NID1: variants seen among roughly 807,000 people sequenced by gnomAD.
NID1 encodes nidogen 1.
Under a neutral mutation model 130.6 loss-of-function variants are expected in NID1, and 76 were observed. That is an observed-to-expected ratio of 0.58 (90% CI 0.48 to 0.70). The LOEUF (loss-of-function observed/expected upper bound fraction) is 0.70. NID1 is among the 30% of genes least tolerant of loss of function. The pLI is 0.00. For missense variants in NID1, 1,517 were observed against 1,664.8 expected (o/e 0.91, Z 1.54); for synonymous variants, 665 against 675.1 (o/e 0.98, Z 0.23).
At chr1:236,033,744 G>T (rs1442261307) in intron 5 of NID1, among the ~76,000 whole-genome samples, 1 of 152,184 alleles carries the variant, frequency 6.6e-6, no homozygotes, top group Non-Finnish European at 1.5e-5. Flanking sequence ...ATACCTGGGG[G>T]AAAACTGCTA....
At position 236,030,543 on chromosome 1, in the gene NID1, A is replaced by G. The variant is rs56820357; in HGVS notation, c.1538-793T>C. ...TTTAAATTTCAGTGCCCAGTCAAAA[A>G]GTTGTATTGGAACACAGCCATGCTC... On this transcript the variant is annotated intron_variant, in intron 6 of 19. Coordinates refer to ENST00000264187, the MANE Select transcript of NID1 (RefSeq NM_002508.3). 2.3e-3 allele frequency among the ~76,000 whole-genome samples: 351 copies of G among 152,352 alleles called. 1 individual carries two copies. The highest frequency in any genetic ancestry group is 7.7e-3 in the African/African-American group (322 of 41,582).
At position 235,981,680 on chromosome 1, in the gene NID1, G is replaced by A. The variant is rs374239661; in HGVS notation, c.3158C>T (p.Thr1053Met). 1.7e-4 allele frequency: 278 copies of A among 1,614,106 alleles called. 2 individuals are homozygous for A. The South Asian group carries it at 2.4e-3, about 14-fold the overall frequency. The change falls in exon 16 of 20, where the codon ACG becomes ATG. Residue 1053 changes from threonine to methionine, a missense_variant. Physicochemically the swap from Thr to Met is moderately conservative, Grantham distance 81 (BLOSUM62 -1). This residue lies in a region of NID1 where 1,329 missense variants were observed against 1,429.2 expected (regional missense o/e 0.93). Transcript: ENST00000264187. ...DRIEVAKLDG[T>M]QRRVLFETDL... is the part of the protein sequence containing the mutation. Reference sequence around the variant, plus strand: ...AGTCTCAAAGAGCACCCGGCGCTGCGTGCCGTCCAGCTTCGCCACTTCTAT... The same window carrying A: ...AGTCTCAAAGAGCACCCGGCGCTGCATGCCGTCCAGCTTCGCCACTTCTAT...
intron 12 of NID1, among the ~76,000 whole-genome samples, chr1:235,997,903 T>C (rs954213762): frequency 2.0e-5 from 3 of 152,118 alleles, no homozygotes; most frequent in Admixed American, 2.0e-4. Flanking sequence ...CCACCATGCC[T>C]GGCCTCAGTT....
chr1:236,027,711 C>A (rs1368333794), intron 7 of NID1, among the ~76,000 whole-genome samples: 2 of 152,074 alleles, frequency 1.3e-5, no homozygotes, highest in Non-Finnish European at 1.5e-5. Context: ...CGCCTATAAT[C>A]CCAGCTATTT....
intron 10 of NID1, among the ~76,000 whole-genome samples, chr1:236,015,022 A>G (rs1658547807): frequency 6.6e-6 from 1 of 152,230 alleles, no homozygotes; most frequent in Non-Finnish European, 1.5e-5. Flanking sequence ...AATGGATACC[A>G]ATCCTCATGA....
intron 15 of NID1, among the ~76,000 whole-genome samples, chr1:235,984,585 A>G (rs1039675419): frequency 2.6e-5 from 4 of 152,244 alleles, no homozygotes; most frequent in Non-Finnish European, 5.9e-5. Flanking sequence ...TTTGCAGAGA[A>G]CGCAAGGTGA....
At chr1:236,059,162 G>A (rs1382022537) in intron 1 of NID1, among the ~76,000 whole-genome samples, 1 of 152,186 alleles carries the variant, frequency 6.6e-6, no homozygotes, top group African/African-American at 2.4e-5. Context: ...GCTGGAGTCC[G>A]TAACCCGTGC....
In NID1 at chr1:236,045,438, A is replaced by G; in HGVS notation, c.752+19T>C. On this transcript the variant is annotated intron_variant, in intron 3 of 19. Transcript: ENST00000264187. ...AAAATATTAAGAGGAGAATCTACTG[A>G]AGAACAAAGAAAGCATACTTGGCCA... is the stretch of plus-strand genomic sequence containing the variant. The G allele has an allele frequency of 6.5e-7, 1 of 1,531,810 alleles. No homozygotes were observed. The highest frequency in any genetic ancestry group is 9.0e-7 in the Non-Finnish European group (1 of 1,105,634). 94.9% of individuals were successfully genotyped at this position (1,531,810 alleles called of 1,614,324 possible).
chr1:236,009,181 AG>A (rs1343716983), intron 12 of NID1, among the ~76,000 whole-genome samples: 2 of 152,140 alleles, frequency 1.3e-5, no homozygotes, highest in Admixed American at 1.3e-4. Flanking sequence ...AGGTCATGAA[AG>A]GGGGGCCCTA....
In NID1 at chr1:235,998,313, A is replaced by AAAAAC. The variant is rs1156761716; in HGVS notation, c.2528-4446_2528-4442dup. Among the ~76,000 whole-genome samples, 10 of 152,296 alleles carry AAAAAC rather than the reference A, an allele frequency of 6.6e-5. No homozygotes were observed. In the South Asian group the frequency reaches 1.9e-3, roughly 28 times the overall value. On this transcript the variant is annotated intron_variant, in intron 12 of 19. Coordinates refer to ENST00000264187, the MANE Select transcript of NID1 (RefSeq NM_002508.3). ...TTTGTCCCAGAGGCTAATTAATATAAAAAACAAAACAAAACATTTGAAGTA... is the reference window on the plus strand; with the variant it reads ...TTTGTCCCAGAGGCTAATTAATATAAAAAACAAAACAAAACAAAACATTTGAAGTA...
Position 235,977,921 on chromosome 1 carries a change from C to T in NID1, c.3690G>A (p.Arg1230=). 6.2e-7 allele frequency: 1 copy of T among 1,614,158 alleles called. No individual in the cohort carries two copies. Among genetic ancestry groups the T allele is most frequent in the Non-Finnish European group, 8.5e-7 (1 of 1,180,020 alleles). ...THLCLATPGS[R]TCRCPDNTLG... ...AGGTGTTGTCAGGGCAACGGCAGGTCCTGCTCCCTGGGGTGGCCAAGCATA... is the reference window on the plus strand; with the variant it reads ...AGGTGTTGTCAGGGCAACGGCAGGTTCTGCTCCCTGGGGTGGCCAAGCATA... Residue 1230 remains arginine (R), a synonymous_variant, in exon 20 of 20, where the codon AGG becomes AGA. Coordinates refer to ENST00000264187, the MANE Select transcript of NID1 (RefSeq NM_002508.3).
At chr1:236,016,704 A>G (rs557115520) in intron 10 of NID1, among the ~76,000 whole-genome samples, 1 of 152,250 alleles carries the variant, frequency 6.6e-6, no homozygotes, top group African/African-American at 2.4e-5. Context: ...CATAAATAGA[A>G]TGACCCCAGT....
chr1:236,048,739 G>T lies in NID1; in HGVS notation c.476C>A (p.Ser159Tyr), dbSNP rs1269477242. 3 of 1,612,820 alleles carry T rather than the reference G, an allele frequency of 1.9e-6. No individual in the cohort carries two copies. Among genetic ancestry groups the T allele is most frequent in the Admixed American group, 1.7e-5 (1 of 60,008 alleles). The change falls in exon 2 of 20, where the codon TCC becomes TAC. Residue 159 changes from serine to tyrosine, a missense_variant. Ser to Tyr is a moderately radical substitution (Grantham distance 144). Transcript: ENST00000264187. ...GCTGGGCCCTTGGTAGGGGGCCACG[G>T]ATTCCCAAGTGACAACCACCGCGCT... Reference protein sequence around the residue: ...PSSAVVVTWESVAPYQGPSRD... With the variant: ...PSSAVVVTWEYVAPYQGPSRD...
intron 1 of NID1, among the ~76,000 whole-genome samples, chr1:236,054,420 C>A (rs1220535010): frequency 6.6e-6 from 1 of 152,078 alleles, no homozygotes; most frequent in African/African-American, 2.4e-5. Context: ...TGCGTCATTG[C>A]ACTCCATACT....
chr1:236,054,762 C>T (rs940741613), intron 1 of NID1, among the ~76,000 whole-genome samples: 1 of 151,758 alleles, frequency 6.6e-6, no homozygotes, highest in Non-Finnish European at 1.5e-5. Flanking sequence ...CTGCCTCAGC[C>T]TCCCGAGTAG....
chr1:235,989,315 C>T (rs755269418), intron 14 of NID1, among the ~76,000 whole-genome samples: 3 of 151,602 alleles, frequency 2.0e-5, no homozygotes, highest in Non-Finnish European at 4.4e-5. Context: ...TTTAGCCTCT[C>T]CCCTTGGTCT....
At chr1:236,004,894 AGCCCGGCACGGTG>A (rs1396355900) in intron 12 of NID1, among the ~76,000 whole-genome samples, 2 of 152,104 alleles carry the variant, frequency 1.3e-5, no homozygotes, top group Non-Finnish European at 1.5e-5. Context: ...AGCAGGATGG[AGCCCGGCACGGTG>A]GCTCACGCCT....
chr1:235,980,257 T>G (rs554809062), intron 17 of NID1, among the ~76,000 whole-genome samples: 16 of 152,306 alleles, frequency 1.1e-4, no homozygotes, highest in Non-Finnish European at 1.8e-4. Flanking sequence ...AAGCACCAGA[T>G]AGTAAATTAT....
chr1:235,991,179 T>C, intron 13 of NID1, 121 bp from the exon 14 acceptor site: 1 of 767,424 alleles, frequency 1.3e-6, no homozygotes, highest in East Asian at 3.0e-5. Flanking sequence ...ACACATCAGG[T>C]CACATCACCT....
Sources: gnomAD v4.1 joint callset for allele counts (sites outside exome capture counted in the v4.1 genomes callset) on GRCh38, gnomAD v4.1.1 for gene constraint, gnomAD v4.1.1 regional missense constraint, MANE v1.5 for transcripts, NCBI Gene and HGNC (gene_info 2026-07-23, HGNC 2026-07-21) for gene names.